Variants in XPR1 observed in about 807,000 individuals in gnomAD.
The protein encoded by XPR1 is solute carrier family 53 member 1.
XPR1 carries 28 observed loss-of-function variants against 87.5 expected under a neutral mutation model. The ratio of observed to expected loss-of-function variants is 0.32; its 90% CI spans 0.24 to 0.44. The LOEUF (loss-of-function observed/expected upper bound fraction) is 0.44, where lower values mean the gene tolerates loss of function less well. XPR1 is among the 20% of genes least tolerant of loss of function. The probability of loss-of-function intolerance (pLI) is 1.00; values close to 1 mark genes in which losing one functional copy is unlikely to be tolerated. For missense variants in XPR1, 559 were observed against 862.3 expected, an observed-to-expected ratio of 0.65 and a Z score of 4.41; for synonymous variants, 300 against 306.1, an observed-to-expected ratio of 0.98 and a Z score of 0.21.
At chr1:180,737,038 C>T (rs1045676611) in intron 2 of XPR1, among the ~76,000 whole-genome samples, 1 of 152,162 alleles carries the variant, frequency 6.6e-6, no homozygotes, top group African/African-American at 2.4e-5. Flanking sequence ...GCATCTGGTC[C>T]TATCTTCAGA....
chr1:180,687,653 CAAAT>C (rs770818417), intron 2 of XPR1, among the ~76,000 whole-genome samples: 70 of 152,038 alleles, frequency 4.6e-4, no homozygotes, highest in Non-Finnish European at 8.5e-4. Flanking sequence ...GTTACTCAAA[CAAAT>C]AAACACATTC....
In XPR1 at chr1:180,684,661, G is replaced by C. The variant is rs527910311; in HGVS notation, c.121+2250G>C. ...CATTTTTTTGTATCCTCTTTTATTT[G>C]ATTGAGCAGTGGTTTGTAGTTCTCC... On this transcript the variant is annotated intron_variant, in intron 2 of 14. Transcript: ENST00000367590. 3.2e-3 allele frequency among the ~76,000 whole-genome samples: 481 copies of C among 151,838 alleles called. 8 individuals carry two copies. Among genetic ancestry groups the C allele is most frequent in the East Asian group, 0.031 (156 of 5,090 alleles).
intron 1 of XPR1, among the ~76,000 whole-genome samples, chr1:180,664,905 T>C (rs909685403): frequency 6.6e-6 from 1 of 152,236 alleles, no homozygotes; most frequent in Non-Finnish European, 1.5e-5. Context: ...ATCTCTTCCA[T>C]GTGCAGTTCA....
intron 2 of XPR1, among the ~76,000 whole-genome samples, chr1:180,730,777 C>G (rs984160129): frequency 6.6e-6 from 1 of 152,194 alleles, no homozygotes; most frequent in Non-Finnish European, 1.5e-5. Context: ...ATCCTCCCCC[C>G]TCAGCCTCCT....
intron 2 of XPR1, among the ~76,000 whole-genome samples, chr1:180,718,924 C>T (rs982776138): frequency 3.9e-5 from 6 of 152,160 alleles, no homozygotes; most frequent in African/African-American, 1.4e-4. Context: ...ACCTTGGCCT[C>T]CCAAAGTGCT....
At chr1:180,846,248 T>C (rs1237831193) in intron 11 of XPR1, among the ~76,000 whole-genome samples, 1 of 123,708 alleles carries the variant, frequency 8.1e-6, no homozygotes, top group Non-Finnish European at 1.7e-5. Flanking sequence ...GGCTACAGAG[T>C]GAGACTTCAT....
intron 9 of XPR1, among the ~76,000 whole-genome samples, chr1:180,834,222 C>T (rs540750772): frequency 3.3e-5 from 5 of 152,116 alleles, no homozygotes; most frequent in East Asian, 1.9e-4. Context: ...GCTGGGACTA[C>T]AGGTGGCCAC....
intron 2 of XPR1, among the ~76,000 whole-genome samples, chr1:180,709,549 G>A (rs1334930666): frequency 6.6e-6 from 1 of 152,188 alleles, no homozygotes; most frequent in Non-Finnish European, 1.5e-5. Context: ...TATTTAGACA[G>A]TATGTACTCT....
intron 2 of XPR1, among the ~76,000 whole-genome samples, chr1:180,716,160 A>G (rs577556381): frequency 6.6e-6 from 1 of 151,986 alleles, no homozygotes; most frequent in African/African-American, 2.4e-5. Context: ...TGTTGGAGCC[A>G]GGGTCTCACT....
At chr1:180,819,614 C>T (rs1392315357) in intron 7 of XPR1, among the ~76,000 whole-genome samples, 2 of 152,200 alleles carry the variant, frequency 1.3e-5, no homozygotes, top group Non-Finnish European at 2.9e-5. Flanking sequence ...GAACCCTAAG[C>T]AGGCTATTTC....
chr1:180,735,219 T>C (rs1042847984), intron 2 of XPR1, among the ~76,000 whole-genome samples: 1 of 152,264 alleles, frequency 6.6e-6, no homozygotes, highest in African/African-American at 2.4e-5. Flanking sequence ...TGACTTTAAA[T>C]GGTTTTAAAC....
chr1:180,827,859 A>G (rs1454277143), intron 9 of XPR1, among the ~76,000 whole-genome samples: 1 of 143,412 alleles, frequency 7.0e-6, no homozygotes, highest in Admixed American at 7.4e-5. Context: ...GTAAAAGTAC[A>G]TTTCTTTCTT....
At chr1:180,801,331 T>C (rs1158829862) in intron 3 of XPR1, among the ~76,000 whole-genome samples, 1 of 152,158 alleles carries the variant, frequency 6.6e-6, no homozygotes, top group African/African-American at 2.4e-5. Context: ...CTCAGGGGGA[T>C]GTGATTGGTG....
At chr1:180,668,147 AAGAC>A (rs1656027150) in intron 1 of XPR1, among the ~76,000 whole-genome samples, 1 of 67,462 alleles carries the variant, frequency 1.5e-5, no homozygotes, top group Non-Finnish European at 2.6e-5. Context: ...TTTTTTTTTT[AAGAC>A]AGAGTCTTGC....
At chr1:180,715,574 T>C (rs984862799) in intron 2 of XPR1, among the ~76,000 whole-genome samples, 12 of 152,218 alleles carry the variant, frequency 7.9e-5, no homozygotes, top group Non-Finnish European at 1.6e-4. Flanking sequence ...CATCAAAATA[T>C]AGTTCAGAAG....
intron 2 of XPR1, among the ~76,000 whole-genome samples, chr1:180,740,540 C>G (rs1557983734): frequency 6.6e-6 from 1 of 152,032 alleles, no homozygotes; most frequent in Non-Finnish European, 1.5e-5. Context: ...ATTCTTTTTA[C>G]ATATTGTTGG....
At chr1:180,785,211 G>A (rs1649095971) in intron 2 of XPR1, among the ~76,000 whole-genome samples, 1 of 151,738 alleles carries the variant, frequency 6.6e-6, no homozygotes, top group Admixed American at 6.6e-5. Flanking sequence ...GTCCAGTGGT[G>A]GGATCTCAGC....
At position 180,759,882 on chromosome 1, in the gene XPR1, C is replaced by T. The variant is rs373446927; in HGVS notation, c.122-27871C>T. Among the ~76,000 whole-genome samples, 104 of 152,206 alleles carry T rather than the reference C, an allele frequency of 6.8e-4. No individual in the cohort carries two copies. The East Asian group carries it at 0.018, about 27-fold the overall frequency. On this transcript the variant is annotated intron_variant, in intron 2 of 14. Coordinates refer to ENST00000367590, the MANE Select transcript of XPR1 (RefSeq NM_004736.4). ...AATCCTCAATAAAATACTGACAAAC[C>T]GAATCCAGCAGCACATCAAAAAGCT...
intron 1 of XPR1, among the ~76,000 whole-genome samples, chr1:180,644,198 G>A (rs917961856): frequency 6.6e-6 from 1 of 152,092 alleles, no homozygotes; most frequent in South Asian, 2.1e-4. Flanking sequence ...CTAGAAGGTG[G>A]CTGGCTGATT....
Sources: gnomAD v4.1 joint callset for allele counts (sites outside exome capture counted in the v4.1 genomes callset) on GRCh38, gnomAD v4.1.1 for gene constraint, MANE v1.5 for transcripts, NCBI Gene and HGNC (gene_info 2026-07-23, HGNC 2026-07-21) for gene names.